The following FOXP1 variants were observed in gnomAD, a reference collection of about 807,000 sequenced individuals.
FOXP1 encodes the protein forkhead box P1, also known as forkhead box protein P1.
FOXP1 carries 15 observed loss-of-function variants against 98.2 expected under a neutral mutation model. The ratio of observed to expected loss-of-function variants is 0.15; its 90% CI spans 0.10 to 0.24. The LOEUF (loss-of-function observed/expected upper bound fraction) is 0.24. FOXP1 is among the 10% of genes least tolerant of loss of function. The pLI is 1.00. For synonymous variants in FOXP1, 371 were observed against 314.5 expected (o/e 1.18, Z -1.90); for missense variants, 633 against 848.5 (o/e 0.75, Z 3.15).
At chr3:71,526,246 T>C (rs757745788) in intron 2 of FOXP1, among the ~76,000 whole-genome samples, 11 of 152,036 alleles carry the variant, frequency 7.2e-5, no homozygotes, top group African/African-American at 9.7e-5. Flanking sequence ...AGCTAAAAAC[T>C]CCAGGGCCAG....
intron 4 of FOXP1, among the ~76,000 whole-genome samples, chr3:71,325,660 A>G (rs1241102832): frequency 3.3e-5 from 5 of 151,030 alleles, no homozygotes; most frequent in Non-Finnish European, 1.5e-5. Flanking sequence ...TATTATTATT[A>G]TTATTATTAT....
intron 4 of FOXP1, among the ~76,000 whole-genome samples, chr3:71,343,761 T>A (rs1015500526): frequency 1.3e-5 from 2 of 152,068 alleles, no homozygotes; most frequent in African/African-American, 2.4e-5. Flanking sequence ...ACTCCTGACC[T>A]TAAGTGATCT....
chr3:71,113,784 AC>A, intron 6 of FOXP1, among the ~76,000 whole-genome samples: 1 of 134,416 alleles, frequency 7.4e-6, no homozygotes, highest in East Asian at 2.1e-4. Flanking sequence ...AAAGAAAAAA[AC>A]AATGTCATCA....
intron 6 of FOXP1, among the ~76,000 whole-genome samples, chr3:71,128,251 T>A (rs1220082879): frequency 6.6e-6 from 1 of 150,762 alleles, no homozygotes; most frequent in Non-Finnish European, 1.5e-5. Flanking sequence ...CATATATCAG[T>A]GAATGCCTAC....
chr3:71,430,235 G>A (rs1205824733), intron 3 of FOXP1, among the ~76,000 whole-genome samples: 1 of 152,150 alleles, frequency 6.6e-6, no homozygotes, highest in South Asian at 2.1e-4. Flanking sequence ...AGCGATTTCG[G>A]CATTGCTAAC....
intron 3 of FOXP1, among the ~76,000 whole-genome samples, chr3:71,428,926 C>T (rs1003111153): frequency 6.6e-6 from 1 of 152,204 alleles, no homozygotes; most frequent in African/African-American, 2.4e-5. Context: ...CCCTGAGGTC[C>T]CGTTCAGCTC....
chr3:71,553,089 G>A (rs536282462), intron 2 of FOXP1, among the ~76,000 whole-genome samples: 41 of 151,732 alleles, frequency 2.7e-4, no homozygotes, highest in Non-Finnish European at 5.2e-4. Flanking sequence ...CAGTATTTCT[G>A]GCCCATAATA....
intron 3 of FOXP1, among the ~76,000 whole-genome samples, chr3:71,390,321 G>A (rs9815974): frequency 0.63 from 95,837 of 151,952 alleles, 31,328 homozygotes; most frequent in African/African-American, 0.69. Flanking sequence ...ACATACTTCA[G>A]CAGTGGGATT....
chr3:71,079,193 G>C (rs2054146019), intron 7 of FOXP1, among the ~76,000 whole-genome samples: 1 of 152,106 alleles, frequency 6.6e-6, no homozygotes. Context: ...CTCTAGTCCA[G>C]AGGAGGACAG....
At chr3:71,564,375 G>A (rs545237046) in intron 2 of FOXP1, among the ~76,000 whole-genome samples, 5 of 152,318 alleles carry the variant, frequency 3.3e-5, no homozygotes, top group African/African-American at 1.2e-4. Flanking sequence ...GGCACCCTGT[G>A]TCACATTCCA....
chr3:71,248,946 T>C (rs2067975692), intron 5 of FOXP1, among the ~76,000 whole-genome samples: 1 of 151,964 alleles, frequency 6.6e-6, no homozygotes. Context: ...GTGGGAAGGG[T>C]AGGAAGGAGA....
intron 2 of FOXP1, among the ~76,000 whole-genome samples, chr3:71,526,244 A>C (rs889337847): frequency 1.3e-5 from 2 of 151,970 alleles, no homozygotes; most frequent in Admixed American, 6.6e-5. Context: ...TGAGCTAAAA[A>C]CTCCAGGGCC....
At chr3:71,342,813 C>T (rs901881940) in intron 4 of FOXP1, among the ~76,000 whole-genome samples, 2 of 152,150 alleles carry the variant, frequency 1.3e-5, no homozygotes, top group Non-Finnish European at 2.9e-5. Context: ...TACCCTTCAT[C>T]CAGTTTTCCC....
At chr3:71,271,203 C>A (rs553600901) in intron 5 of FOXP1, among the ~76,000 whole-genome samples, 1 of 152,188 alleles carries the variant, frequency 6.6e-6, no homozygotes, top group Non-Finnish European at 1.5e-5. Flanking sequence ...GCACTCCAGT[C>A]TGGGTGACAA....
At chr3:71,528,563 T>C (rs1200725374) in intron 2 of FOXP1, among the ~76,000 whole-genome samples, 1 of 152,196 alleles carries the variant, frequency 6.6e-6, no homozygotes, top group Non-Finnish European at 1.5e-5. Context: ...TCCTGTATTG[T>C]CATGGAACAC....
intron 7 of FOXP1, among the ~76,000 whole-genome samples, chr3:71,100,185 C>T (rs573292432): frequency 3.4e-4 from 51 of 152,186 alleles, no homozygotes; most frequent in Non-Finnish European, 6.9e-4. Context: ...CTCTTCAGAG[C>T]CCATCTCAGA....
At chr3:71,324,333 A>G (rs369691065) in intron 4 of FOXP1, among the ~76,000 whole-genome samples, 7 of 152,314 alleles carry the variant, frequency 4.6e-5, no homozygotes, top group Admixed American at 6.5e-5. Context: ...TTACTGAGGC[A>G]CTATTCACAA....
At position 71,438,674 on chromosome 3, in the gene FOXP1, C is replaced by T. The variant is rs1055260636; in HGVS notation, c.-168+54752G>A. 6.6e-5 allele frequency among the ~76,000 whole-genome samples: 10 copies of T among 151,076 alleles called. 1 individual carries two copies. Among genetic ancestry groups the T allele is most frequent in the Admixed American group, 6.6e-4 (10 of 15,150 alleles). On this transcript the variant is annotated intron_variant, in intron 3 of 20. Transcript: ENST00000649528. ...GATGGCCAAGATCTAGTCCTCATCA[C>T]AAGGCTTGGTAGGCCCATTCTGCAA...
chr3:71,419,230 A>T (rs558783573), intron 3 of FOXP1, among the ~76,000 whole-genome samples: 1 of 90,740 alleles, frequency 1.1e-5, no homozygotes, highest in African/African-American at 4.1e-5. Context: ...GGGAGACTCC[A>T]TCTCAAAAAA....
Sources: allele counts gnomAD v4.1 joint callset (sites outside exome capture counted in the v4.1 genomes callset), GRCh38; gene constraint gnomAD v4.1.1; transcripts MANE v1.5; gene names NCBI Gene and HGNC (gene_info 2026-07-23, HGNC 2026-07-21).